Variants in FER observed in about 807,000 individuals in gnomAD.
FER encodes FER tyrosine kinase.
FER carries 63 observed loss-of-function variants against 111.0 expected under a neutral mutation model. The observed-to-expected ratio is 0.57, with a 90% CI of 0.46 to 0.70. The LOEUF is 0.70. Ranked by LOEUF, FER falls within the 30% of genes least tolerant of loss-of-function variation. The pLI, the probability that FER is intolerant of heterozygous loss-of-function variation, is 0.00. For synonymous variants in FER, 327 were observed against 313.9 expected (o/e 1.04, Z -0.44); for missense variants, 914 against 954.0 (o/e 0.96, Z 0.55).
intron 17 of FER, among the ~76,000 whole-genome samples, chr5:109,147,628 A>G (rs1754364019): frequency 6.6e-6 from 1 of 152,008 alleles, no homozygotes; most frequent in Non-Finnish European, 1.5e-5. Flanking sequence ...GCCATAAGAA[A>G]ATTTGTTGGC....
At chr5:109,038,646 G>T (rs1770733638) in intron 14 of FER, among the ~76,000 whole-genome samples, 1 of 151,622 alleles carries the variant, frequency 6.6e-6, no homozygotes, top group African/African-American at 2.4e-5. Context: ...ATTTCCTCTG[G>T]GTTTATTTCC....
intron 10 of FER, among the ~76,000 whole-genome samples, chr5:108,898,793 A>G (rs894120181): frequency 1.3e-5 from 2 of 151,404 alleles, no homozygotes; most frequent in Admixed American, 6.6e-5. Flanking sequence ...ATTTGGTAGT[A>G]TCACCAGACA....
chr5:108,759,349 T>G (rs1297958590), intron 1 of FER, among the ~76,000 whole-genome samples: 1 of 152,238 alleles, frequency 6.6e-6, no homozygotes, highest in East Asian at 1.9e-4. Context: ...TAGCCTTTAC[T>G]GTTCATATGT....
At chr5:109,165,717 G>A (rs1756487746) in intron 17 of FER, among the ~76,000 whole-genome samples, 1 of 152,014 alleles carries the variant, frequency 6.6e-6, no homozygotes, top group African/African-American at 2.4e-5. Context: ...CTATTCATGA[G>A]GGAAATCAGG....
rs991677836 is a variant in FER at position 109,186,073 on chromosome 5, A to G, written c.2204-127A>G. 17 of 1,309,590 alleles carry G rather than the reference A, an allele frequency of 1.3e-5. No homozygotes were observed. The African/African-American group carries it at 2.2e-4, about 17-fold the overall frequency. 81.1% of individuals were successfully genotyped at this position (1,309,590 alleles called of 1,614,324 possible). On this transcript the variant is annotated intron_variant, in intron 18 of 19. Coordinates refer to ENST00000281092, the MANE Select transcript of FER (RefSeq NM_005246.4). ...TCCATTATACTGGGACCACTGTCAT[A>G]TATGTGCTCCATCATTGACCAAACA...
Position 109,186,594 on chromosome 5 carries a change from A to T in FER, c.2326+272A>T, listed in dbSNP as rs868605183. Among the ~76,000 whole-genome samples the T allele has an allele frequency of 4.6e-5, 7 of 152,272 alleles. No homozygotes were observed. The South Asian group carries it at 1.0e-3, about 23-fold the overall frequency. Reference sequence around the variant, plus strand: ...CAGGATTGTGCTGTTCACTGTCGTTAAGAGAAATAGGGTGGTGTTTCTCAA... The same window carrying T: ...CAGGATTGTGCTGTTCACTGTCGTTTAGAGAAATAGGGTGGTGTTTCTCAA... On this transcript the variant is annotated intron_variant, in intron 19 of 19. Coordinates refer to ENST00000281092, the MANE Select transcript of FER (RefSeq NM_005246.4).
At chr5:109,017,083 C>T (rs1217463534) in intron 13 of FER, among the ~76,000 whole-genome samples, 1 of 151,914 alleles carries the variant, frequency 6.6e-6, no homozygotes, top group Non-Finnish European at 1.5e-5. Flanking sequence ...GACCAATACA[C>T]CATGTAATGA....
intron 17 of FER, among the ~76,000 whole-genome samples, chr5:109,138,160 G>T (rs1255913587): frequency 6.6e-6 from 1 of 152,162 alleles, no homozygotes; most frequent in Non-Finnish European, 1.5e-5. Flanking sequence ...AGAGGATGAA[G>T]AATTACTCTC....
intron 13 of FER, among the ~76,000 whole-genome samples, chr5:108,963,294 G>A (rs1309949121): frequency 6.6e-6 from 1 of 152,180 alleles, no homozygotes; most frequent in Admixed American, 6.5e-5. Flanking sequence ...CAAGTGCAGT[G>A]GCTCGTGCCT....
At chr5:109,146,087 T>C (rs930780176) in intron 17 of FER, among the ~76,000 whole-genome samples, 1 of 150,258 alleles carries the variant, frequency 6.7e-6, no homozygotes, top group African/African-American at 2.4e-5. Context: ...TCAATGAAAT[T>C]AAGATAATTT....
At chr5:109,124,704 C>T (rs1332175590) in intron 17 of FER, among the ~76,000 whole-genome samples, 1 of 151,982 alleles carries the variant, frequency 6.6e-6, no homozygotes, top group African/African-American at 2.4e-5. Flanking sequence ...GGAAGAAAAA[C>T]ATTTAAAAGG....
intron 1 of FER, among the ~76,000 whole-genome samples, chr5:108,766,954 A>G (rs985610255): frequency 1.3e-5 from 2 of 152,236 alleles, no homozygotes; most frequent in Non-Finnish European, 1.5e-5. Flanking sequence ...ACAGTTTTCA[A>G]GGACTGAAGG....
At chr5:109,174,384 T>A (rs1757463906) in intron 17 of FER, among the ~76,000 whole-genome samples, 1 of 152,230 alleles carries the variant, frequency 6.6e-6, no homozygotes, top group African/African-American at 2.4e-5. Flanking sequence ...TCTGATCCCA[T>A]CACTTTCAGC....
intron 8 of FER, 149 bp from the exon 9 acceptor site, chr5:108,883,247 C>A: frequency 3.0e-6 from 2 of 674,684 alleles, no homozygotes; most frequent in Non-Finnish European, 2.1e-6. Context: ...CTAATGCAAC[C>A]AAAGAGCTGA....
intron 2 of FER, among the ~76,000 whole-genome samples, chr5:108,796,573 A>G (rs1185367935): frequency 1.3e-5 from 2 of 152,136 alleles, no homozygotes; most frequent in Non-Finnish European, 2.9e-5. Context: ...CTAAACTGGC[A>G]CTCAAGCCAT....
At chr5:108,772,318 A>ATT (rs1752989305) in intron 2 of FER, among the ~76,000 whole-genome samples, 1 of 138,392 alleles carries the variant, frequency 7.2e-6, no homozygotes, top group Non-Finnish European at 1.6e-5. Context: ...ATATATATGT[A>ATT]TGTATATATA....
intron 11 of FER, among the ~76,000 whole-genome samples, chr5:108,948,638 C>G (rs1349849748): frequency 1.3e-5 from 2 of 152,030 alleles, no homozygotes; most frequent in Non-Finnish European, 2.9e-5. Flanking sequence ...AGGGTCCATT[C>G]CAATTGAAAG....
chr5:108,811,754 C>T (rs148347068), intron 3 of FER, among the ~76,000 whole-genome samples: 1 of 152,252 alleles, frequency 6.6e-6, no homozygotes, highest in African/African-American at 2.4e-5. Context: ...ACCAGAGGTA[C>T]CTCCTGTGTA....
intron 9 of FER, chr5:108,894,360 A>C (rs1475409030): frequency 2.5e-5 from 25 of 987,956 alleles, no homozygotes; most frequent in Non-Finnish European, 3.3e-5. Flanking sequence ...TTTCTGCTGC[A>C]AGGGTTCCTT....
Sources: gnomAD v4.1 joint callset for allele counts (sites outside exome capture counted in the v4.1 genomes callset) on GRCh38, gnomAD v4.1.1 for gene constraint, MANE v1.5 for transcripts, NCBI Gene and HGNC (gene_info 2026-07-23, HGNC 2026-07-21) for gene names.